The following CD276 variants were observed in gnomAD, a reference collection of about 807,000 sequenced individuals.
The protein encoded by CD276 is CD276 antigen.
In CD276, 34 loss-of-function variants were observed where a neutral mutation model predicts 50.0. The ratio of observed to expected loss-of-function variants is 0.68; its 90% confidence interval spans 0.52 to 0.91. The LOEUF (loss-of-function observed/expected upper bound fraction) is 0.91, where lower values mean the gene tolerates loss of function less well. Ranked by LOEUF, CD276 falls within the 40% of genes least tolerant of loss-of-function variation. CD276 has a pLI of 0.00. For missense variants in CD276, 634 were observed against 717.5 expected (o/e 0.88, Z 1.33); for synonymous variants, 275 against 313.0 (o/e 0.88, Z 1.28).
rs373521517 is a variant in CD276 at position 73,703,812 on chromosome 15, G to T, written c.887G>T (p.Ser296Ile). The change falls in exon 5 of 10, where the codon AGT (serine) becomes ATT (isoleucine). Residue 296 changes from serine (S) to isoleucine (I), a missense_variant. Coordinates refer to ENST00000318443, the MANE Select transcript of CD276 (RefSeq NM_001024736.2). ...ACAGACACCAAACAGCTGGTGCACA[G>T]TTTCACCGAAGGCCGGGACCAGGGC... ...QLTDTKQLVH[S>I]FTEGRDQGSA... The T allele has an allele frequency of 6.2e-7, 1 of 1,613,716 alleles. No individual in the cohort carries two copies. Among genetic ancestry groups the T allele is most frequent in the Non-Finnish European group, 8.5e-7 (1 of 1,180,026 alleles).
chr15:73,700,856 G>A (rs1179624619), intron 2 of CD276, among the ~76,000 whole-genome samples: 10 of 36,522 alleles, frequency 2.7e-4, no homozygotes, highest in Admixed American at 1.8e-3. Flanking sequence ...CCGGAGAATG[G>A]TAGTGCCAGG....
Position 73,708,353 on chromosome 15 carries a change from T to C in CD276, c.1384T>C (p.Phe462Leu). ...TTTCCTCTCAGGGCAGCCTATGACA[T>C]TCCCCCCAGAGGCCCTGTGGGTGAC... ...SVTITGQPMT[F>L]PPEALWVTVG... Residue 462 changes from phenylalanine (F) to leucine (L), a missense_variant, in exon 7 of 10, where the codon TTC (phenylalanine) becomes CTC (leucine). By Grantham distance (22) the Phe-to-Leu change is conservative. Coordinates refer to ENST00000318443, the MANE Select transcript of CD276 (RefSeq NM_001024736.2). The C allele has an allele frequency of 3.1e-6, 5 of 1,614,134 alleles. No individual in the cohort carries two copies. Among genetic ancestry groups the C allele is most frequent in the Non-Finnish European group, 4.2e-6 (5 of 1,180,006 alleles).
intron 1 of CD276, among the ~76,000 whole-genome samples, chr15:73,689,668 T>A (rs1325544918): frequency 6.6e-6 from 1 of 152,170 alleles, no homozygotes; most frequent in Non-Finnish European, 1.5e-5. Context: ...AAACTGAGGC[T>A]CAGAGAGGAT....
intron 2 of CD276, among the ~76,000 whole-genome samples, chr15:73,701,848 C>G (rs899271): frequency 6.6e-6 from 1 of 152,124 alleles, no homozygotes; most frequent in African/African-American, 2.4e-5. Context: ...TACTTACGCT[C>G]ATGGGGAAAT....
At chr15:73,688,621 G>C (rs1180141741) in intron 1 of CD276, among the ~76,000 whole-genome samples, 2 of 152,206 alleles carry the variant, frequency 1.3e-5, no homozygotes, top group East Asian at 1.9e-4. Context: ...AGTCACTTCT[G>C]CTGGTGGCTG....
intron 4 of CD276, 148 bp downstream of exon 4, chr15:73,703,234 A>G (rs1041350902): frequency 9.8e-7 from 1 of 1,019,796 alleles, no homozygotes; most frequent in African/African-American, 1.6e-5. Context: ...GGAGGTGGGG[A>G]TGTTCACTGG....
intron 8 of CD276, among the ~76,000 whole-genome samples, chr15:73,710,566 AGAAG>A (rs1418200815): frequency 2.0e-5 from 3 of 152,232 alleles, no homozygotes; most frequent in Admixed American, 6.5e-5. Flanking sequence ...CCACCCCCGC[AGAAG>A]GAAGGGCAGG....
At chr15:73,692,248 C>A (rs1256277156) in intron 1 of CD276, among the ~76,000 whole-genome samples, 1 of 152,208 alleles carries the variant, frequency 6.6e-6, no homozygotes, top group Non-Finnish European at 1.5e-5. Flanking sequence ...ACCCTTTCAT[C>A]CAGGTTTAAG....
At chr15:73,695,487 C>G (rs191571387) in intron 1 of CD276, among the ~76,000 whole-genome samples, 80 of 152,258 alleles carry the variant, frequency 5.3e-4, no homozygotes, top group Middle Eastern at 3.4e-3. Context: ...GTATACTATA[C>G]CAAACTGCAG....
rs1567026277 is a variant in CD276, at chr15:73,713,818, C to CT, written c.*865dup. 2.3e-6 allele frequency: 1 copy of CT among 444,172 alleles called. No individual in the cohort carries two copies. The highest frequency in any genetic ancestry group is 1.6e-5 in the South Asian group (1 of 62,524). 27.5% of individuals were successfully genotyped at this position (444,172 alleles called of 1,614,324 possible). The stretch of plus-strand genomic sequence containing the variant: ...CCTCTGCCTTCTCACCTCTTTGTTC[C>CT]TTTCTTTTCATGTATCCATTCAGTT... On this transcript the variant is annotated 3_prime_UTR_variant, in exon 10 of 10. Coordinates refer to ENST00000318443, the MANE Select transcript of CD276 (RefSeq NM_001024736.2).
Position 73,702,988 on chromosome 15 carries a change from T to C in CD276, c.635T>C (p.Leu212Pro). 6.2e-7 allele frequency: 1 copy of C among 1,614,162 alleles called. No individual in the cohort carries two copies. The highest frequency in any genetic ancestry group is 8.5e-7 in the Non-Finnish European group (1 of 1,180,034). The stretch of plus-strand genomic sequence containing the variant: ...GTGCACAGCATCCTGCGGGTGGTGC[T>C]GGGTGCAAATGGCACCTACAGCTGC... ...FDVHSILRVV[L>P]GANGTYSCLV... is the part of the protein sequence containing the mutation. Residue 212 changes from leucine to proline, a missense_variant, in exon 4 of 10, where the codon CTG (leucine) becomes CCG (proline). Coordinates refer to ENST00000318443, the MANE Select transcript of CD276 (RefSeq NM_001024736.2).
intron 6 of CD276, among the ~76,000 whole-genome samples, chr15:73,706,447 T>C (rs1217018518): frequency 6.7e-6 from 1 of 148,740 alleles, no homozygotes; most frequent in Non-Finnish European, 1.5e-5. Context: ...AGTTTGCACA[T>C]AACTCTGGAG....
Position 73,713,072 on chromosome 15 carries a change from C to CT in CD276, c.*118dup. 1 of 926,742 alleles carries CT rather than the reference C, an allele frequency of 1.1e-6. No individual in the cohort carries two copies. The highest frequency in any genetic ancestry group is 1.7e-6 in the Non-Finnish European group (1 of 602,950). 57.4% of individuals were successfully genotyped at this position (926,742 alleles called of 1,614,324 possible). A position where few individuals can be genotyped will look rare whatever the true frequency, so the allele number is the denominator to read the frequency against. The stretch of plus-strand genomic sequence containing the variant: ...GCATCCTGCTCTGACAGGTGGGCTC[C>CT]TTCTCCAAAGGATGCGATACACAGA... On this transcript the variant is annotated 3_prime_UTR_variant, in exon 10 of 10. Coordinates refer to ENST00000318443, the MANE Select transcript of CD276 (RefSeq NM_001024736.2).
rs768960136 is a variant in CD276, at chr15:73,702,983, G to T, written c.630G>T (p.Val210=). ...TTGATGTGCACAGCATCCTGCGGGT[G>T]GTGCTGGGTGCAAATGGCACCTACA... is the stretch of plus-strand genomic sequence containing the variant. The part of the protein sequence containing the change: ...GLFDVHSILR[V]VLGANGTYSC... Residue 210 remains valine, a synonymous_variant, in exon 4 of 10, where the codon GTG becomes GTT. Transcript: ENST00000318443. 6.2e-7 allele frequency: 1 copy of T among 1,614,158 alleles called. No individual in the cohort carries two copies. Among genetic ancestry groups the T allele is most frequent in the Admixed American group, 1.7e-5 (1 of 60,020 alleles).
rs1900291705 is a variant in CD276, at chr15:73,699,451, C to G, written c.-54-135C>G. ...GTCACCAAGATTCCTCAGCAGGGGG[C>G]CCGGTGGGATATGGGAATGAGGACC... On this transcript the variant is annotated intron_variant, in intron 1 of 9. Transcript: ENST00000318443. 5.1e-6 allele frequency: 6 copies of G among 1,176,494 alleles called. No homozygotes were observed. In the South Asian group the frequency reaches 9.1e-5, roughly 18 times the overall value. The allele number at this position is 1,176,494 out of a possible 1,614,324, so 72.9% of individuals were successfully genotyped here.
At chr15:73,710,347 C>T (rs79568626) in intron 8 of CD276, among the ~76,000 whole-genome samples, 2,330 of 152,326 alleles carry the variant, frequency 0.015, 64 homozygotes, top group African/African-American at 0.053. Flanking sequence ...CCTGATGGCA[C>T]CAGAGGGCTG....
intron 1 of CD276, among the ~76,000 whole-genome samples, chr15:73,691,408 A>T (rs1450713638): frequency 6.6e-6 from 1 of 152,194 alleles, no homozygotes; most frequent in African/African-American, 2.4e-5. Context: ...TATTGCTAAC[A>T]GTCCCAGACC....
intron 1 of CD276, among the ~76,000 whole-genome samples, chr15:73,698,399 CCT>C: frequency 6.6e-6 from 1 of 152,252 alleles, no homozygotes; most frequent in Admixed American, 6.5e-5. Context: ...AATGCTCCAC[CCT>C]GTCACTGAGG....
At chr15:73,685,804 G>C (rs1899738035) in intron 1 of CD276, among the ~76,000 whole-genome samples, 1 of 152,158 alleles carries the variant, frequency 6.6e-6, no homozygotes, top group African/African-American at 2.4e-5. Flanking sequence ...GAGGCTGAGG[G>C]GAACTGAAGT....
Sources: gnomAD v4.1 joint callset for allele counts (sites outside exome capture counted in the v4.1 genomes callset) on GRCh38, gnomAD v4.1.1 for gene constraint, MANE v1.5 for transcripts, NCBI Gene and HGNC (gene_info 2026-07-23, HGNC 2026-07-21) for gene names.